Variants in BCR observed in about 807,000 individuals in gnomAD.
BCR encodes breakpoint cluster region protein.
Under a neutral mutation model 138.6 loss-of-function variants are expected in BCR, and 58 were observed. That is an observed-to-expected ratio of 0.42 (90% CI 0.34 to 0.52). BCR has a LOEUF of 0.52. Among genes scored for constraint, BCR ranks in the 20% least tolerant of loss-of-function variants. The pLI is 0.06. For missense variants in BCR, 1,599 were observed against 1,727.2 expected (o/e 0.93, Z 1.32); for synonymous variants, 786 against 730.1 (o/e 1.08, Z -1.23).
At chr22:23,199,148 T>A in intron 1 of BCR, 1 of 345,984 alleles carries the variant, frequency 2.9e-6, no homozygotes, top group Non-Finnish European at 5.9e-6. Flanking sequence ...AATTTGGCCC[T>A]AACAAATGCA....
chr22:23,202,648 C>T (rs1396484849), intron 1 of BCR, among the ~76,000 whole-genome samples: 1 of 151,950 alleles, frequency 6.6e-6, no homozygotes, highest in East Asian at 1.9e-4. Flanking sequence ...CACATCATGT[C>T]CTCAAAGTTC....
At chr22:23,193,865 G>C (rs1431600659) in intron 1 of BCR, among the ~76,000 whole-genome samples, 1 of 152,178 alleles carries the variant, frequency 6.6e-6, no homozygotes, top group Non-Finnish European at 1.5e-5. Flanking sequence ...CACCCGCAGG[G>C]GTCATTTGAC....
At chr22:23,196,652 G>A (rs2072486740) in intron 1 of BCR, among the ~76,000 whole-genome samples, 1 of 152,124 alleles carries the variant, frequency 6.6e-6, no homozygotes, top group Non-Finnish European at 1.5e-5. Flanking sequence ...TTTCAGGATG[G>A]GACTGTTAAC....
chr22:23,262,937 C>T (rs1360623894), intron 4 of BCR: 12 of 1,092,178 alleles, frequency 1.1e-5, no homozygotes, highest in Non-Finnish European at 1.2e-5. Context: ...CAGAGGGAGG[C>T]GGAAGCGTGG....
Position 23,182,632 on chromosome 22 carries a change from A to G in BCR, c.1279+393A>G, listed in dbSNP as rs144180112. Among the ~76,000 whole-genome samples the G allele has an allele frequency of 1.1e-3, 171 of 152,358 alleles. 1 individual carries two copies. The highest frequency in any genetic ancestry group is 3.9e-3 in the African/African-American group (163 of 41,588). On this transcript the variant is annotated intron_variant, in intron 1 of 22. Coordinates refer to ENST00000305877, the MANE Select transcript of BCR (RefSeq NM_004327.4). ...AAAGCCGGAGTCATCTCTAGCGCCC[A>G]CATCGGATGCTGTTAGCAGGGACTG...
At chr22:23,200,821 A>G (rs1379253988) in intron 1 of BCR, among the ~76,000 whole-genome samples, 11 of 152,108 alleles carry the variant, frequency 7.2e-5, no homozygotes, top group Admixed American at 6.5e-4. Context: ...TGGCCTCCCA[A>G]AGTGCTGGGA....
intron 18 of BCR, among the ~76,000 whole-genome samples, chr22:23,311,445 C>T (rs1189499586): frequency 6.6e-6 from 1 of 151,872 alleles, no homozygotes; most frequent in East Asian, 1.9e-4. Context: ...GCCTCCTGAC[C>T]TTCCCGCAAA....
At chr22:23,209,169 A>T (rs1480937182) in intron 1 of BCR, among the ~76,000 whole-genome samples, 10 of 152,010 alleles carry the variant, frequency 6.6e-5, no homozygotes, top group Admixed American at 2.0e-4. Context: ...ACCACCCAGG[A>T]CAACATCATG....
chr22:23,283,552 C>G (rs114565694), intron 8 of BCR: 1,839 of 167,826 alleles, frequency 0.011, 33 homozygotes, highest in African/African-American at 0.042. Context: ...TGGCTGGCTT[C>G]TTGCCAATTC....
chr22:23,228,487 T>C, intron 1 of BCR, among the ~76,000 whole-genome samples: 1 of 152,198 alleles, frequency 6.6e-6, no homozygotes, highest in Non-Finnish European at 1.5e-5. Flanking sequence ...GCCACAAACT[T>C]AGTGACTTCA....
chr22:23,285,270 G>A, intron 10 of BCR, 69 bp downstream of exon 10: 15 of 1,506,062 alleles, frequency 1.0e-5, no homozygotes, highest in Non-Finnish European at 1.3e-5. Context: ...CACACGGCCA[G>A]TGGGTGCTTT....
chr22:23,303,338 G>T (rs2073923488), intron 16 of BCR, among the ~76,000 whole-genome samples: 1 of 152,152 alleles, frequency 6.6e-6, no homozygotes, highest in South Asian at 2.1e-4. Context: ...GTCGGAGGAG[G>T]TATGGTCAGG....
At chr22:23,182,836 G>A (rs2072289487) in intron 1 of BCR, among the ~76,000 whole-genome samples, 1 of 152,222 alleles carries the variant, frequency 6.6e-6, no homozygotes, top group African/African-American at 2.4e-5. Flanking sequence ...TTAGAAGGAA[G>A]TGAGGCGACA....
intron 5 of BCR, 89 bp downstream of exon 5, chr22:23,268,604 A>T: frequency 4.4e-6 from 5 of 1,132,084 alleles, no homozygotes; most frequent in Non-Finnish European, 6.5e-6. Flanking sequence ...CACCAGATCA[A>T]GATCTGGTCG....
intron 4 of BCR, chr22:23,261,795 T>TA (rs2073360496): frequency 8.3e-6 from 2 of 241,926 alleles, no homozygotes; most frequent in Admixed American, 1.1e-4. Context: ...GATGGGGACT[T>TA]ACTACGTTGT....
intron 1 of BCR, among the ~76,000 whole-genome samples, chr22:23,183,426 G>A (rs1226516720): frequency 6.6e-6 from 1 of 152,224 alleles, no homozygotes; most frequent in Non-Finnish European, 1.5e-5. Context: ...TTTGTGGTGG[G>A]CACTCTGTCC....
chr22:23,277,322 G>A (rs2073589166), intron 8 of BCR, among the ~76,000 whole-genome samples: 1 of 152,212 alleles, frequency 6.6e-6, no homozygotes, highest in South Asian at 2.1e-4. Context: ...CCACTAAGTA[G>A]CTAAGCCAGG....
chr22:23,192,390 C>T (rs990250727), intron 1 of BCR, among the ~76,000 whole-genome samples: 4 of 152,202 alleles, frequency 2.6e-5, no homozygotes, highest in Admixed American at 2.6e-4. Flanking sequence ...GGATCATTTG[C>T]TCAGCAAACC....
intron 1 of BCR, among the ~76,000 whole-genome samples, chr22:23,186,702 G>A (rs1162270555): frequency 2.0e-5 from 3 of 152,110 alleles, no homozygotes; most frequent in African/African-American, 4.8e-5. Flanking sequence ...GTTCATCCAT[G>A]TGATGGCAGA....
Sources: gnomAD v4.1 joint callset for allele counts (sites outside exome capture counted in the v4.1 genomes callset) on GRCh38, gnomAD v4.1.1 for gene constraint, MANE v1.5 for transcripts, NCBI Gene and HGNC (gene_info 2026-07-23, HGNC 2026-07-21) for gene names.